The following ADK variants were observed in gnomAD, a reference collection of about 807,000 sequenced individuals.
The protein encoded by ADK is adenosine kinase, also known as N6,N6-dimethyladenosine kinase.
In ADK, 24 loss-of-function variants were observed where a neutral mutation model predicts 44.7. The observed-to-expected ratio is 0.54, with a 90% confidence interval of 0.39 to 0.76. ADK has a LOEUF of 0.76. ADK is among the 30% of genes least tolerant of loss of function. The pLI, the probability that ADK is intolerant of heterozygous loss-of-function variation, is 0.00. For missense variants in ADK, 321 were observed against 425.1 expected (o/e 0.76, Z 2.15); for synonymous variants, 128 against 142.6 (o/e 0.90, Z 0.73).
At chr10:74,654,097 A>G (rs973077472) in intron 9 of ADK, among the ~76,000 whole-genome samples, 7 of 152,246 alleles carry the variant, frequency 4.6e-5, no homozygotes, top group Admixed American at 6.5e-5. Context: ...TCAAATAACA[A>G]TCTTACTGAT....
chr10:74,335,330 T>C (rs1392483893), intron 4 of ADK, among the ~76,000 whole-genome samples: 1 of 152,174 alleles, frequency 6.6e-6, no homozygotes, highest in African/African-American at 2.4e-5. Flanking sequence ...CCAGCTCTCC[T>C]GAGGTACTGA....
intron 6 of ADK, among the ~76,000 whole-genome samples, chr10:74,522,496 C>CT (rs1034405093): frequency 7.9e-5 from 12 of 152,240 alleles, no homozygotes; most frequent in Admixed American, 7.8e-4. Flanking sequence ...ACGATTCTCT[C>CT]TTAACGTCTC....
intron 10 of ADK, among the ~76,000 whole-genome samples, chr10:74,702,762 C>A (rs1856480550): frequency 6.6e-6 from 1 of 151,742 alleles, no homozygotes. Flanking sequence ...TAACACCTGG[C>A]AAATTTTTGT....
At chr10:74,187,436 T>G (rs1267249559) in intron 1 of ADK, among the ~76,000 whole-genome samples, 1 of 152,136 alleles carries the variant, frequency 6.6e-6, no homozygotes, top group African/African-American at 2.4e-5. Flanking sequence ...GTTGCTGATT[T>G]GTAGGAGTTC....
chr10:74,560,336 A>C (rs1850412555), intron 7 of ADK, among the ~76,000 whole-genome samples: 2 of 152,326 alleles, frequency 1.3e-5, no homozygotes, highest in South Asian at 4.1e-4. Context: ...ATTTAGTAAT[A>C]TCAGATGATG....
Position 74,568,795 on chromosome 10 carries a change from CTTTAAG to C in ADK, c.727-20483_727-20478del, listed in dbSNP as rs770952324. Among the ~76,000 whole-genome samples, 99 of 150,990 alleles carry C rather than the reference CTTTAAG, an allele frequency of 6.6e-4. 1 individual carries two copies. In the East Asian group the frequency reaches 0.015, roughly 23 times the overall value. On this transcript the variant is annotated intron_variant, in intron 7 of 10. Coordinates refer to ENST00000539909, the MANE Select transcript of ADK (RefSeq NM_006721.4). ...ATATTTTTATCTTTTTTTTATTATA[CTTTAAG>C]TTTTAGGGTACATGTGCACAACGTG...
intron 2 of ADK, among the ~76,000 whole-genome samples, chr10:74,221,270 A>G (rs1472907057): frequency 1.4e-4 from 21 of 151,474 alleles, no homozygotes; most frequent in African/African-American, 5.1e-4. Context: ...CCCATTCACA[A>G]TTGCTTCAAA....
intron 3 of ADK, among the ~76,000 whole-genome samples, chr10:74,264,289 T>C (rs1846142454): frequency 6.6e-6 from 1 of 152,234 alleles, no homozygotes; most frequent in Admixed American, 6.5e-5. Context: ...CCTTTCTCAA[T>C]TGTCTTGCTA....
intron 9 of ADK, chr10:74,654,905 T>G (rs570904278): frequency 6.6e-6 from 1 of 152,458 alleles, no homozygotes; most frequent in Non-Finnish European, 1.5e-5. Context: ...TGGCAGCAGG[T>G]TAGTCGCAGG....
chr10:74,406,668 CT>C (rs1334126305), intron 6 of ADK, among the ~76,000 whole-genome samples: 1 of 121,630 alleles, frequency 8.2e-6, no homozygotes, highest in Non-Finnish European at 1.8e-5. Context: ...CCTATTTTGT[CT>C]TTTCTTTTTT....
At chr10:74,195,169 AGTAATCCCAGTACGG>A (rs1022176574) in intron 1 of ADK, among the ~76,000 whole-genome samples, 2 of 152,240 alleles carry the variant, frequency 1.3e-5, no homozygotes, top group African/African-American at 4.8e-5. Flanking sequence ...TGGAATAAAA[AGTAATCCCAGTACGG>A]GTTAGTCATA....
At chr10:74,670,853 A>C (rs1034059795) in intron 10 of ADK, among the ~76,000 whole-genome samples, 4 of 151,978 alleles carry the variant, frequency 2.6e-5, no homozygotes, top group African/African-American at 9.7e-5. Flanking sequence ...TGGCTTGATG[A>C]CTTAGATTGA....
At chr10:74,497,577 C>T (rs1010097975) in intron 6 of ADK, among the ~76,000 whole-genome samples, 1 of 152,054 alleles carries the variant, frequency 6.6e-6, no homozygotes. Flanking sequence ...TGTCTTTGCC[C>T]TCATAAATAT....
At position 74,661,790 on chromosome 10, in the gene ADK, G is replaced by A. The variant is rs544109300; in HGVS notation, c.878-8393G>A. Among the ~76,000 whole-genome samples the A allele has an allele frequency of 7.9e-5, 12 of 151,984 alleles. No individual in the cohort carries two copies. In the East Asian group the frequency reaches 2.3e-3, roughly 29 times the overall value. On this transcript the variant is annotated intron_variant, in intron 9 of 10. Coordinates refer to ENST00000539909, the MANE Select transcript of ADK (RefSeq NM_006721.4). ...AACTATATTGTTCTTTCCCTTTTTTGAACTCCTGTTGCAGTTATAATAGAT... is the reference window on the plus strand; with the variant it reads ...AACTATATTGTTCTTTCCCTTTTTTAAACTCCTGTTGCAGTTATAATAGAT...
intron 4 of ADK, among the ~76,000 whole-genome samples, chr10:74,383,524 A>G (rs1409940058): frequency 6.6e-6 from 1 of 152,142 alleles, no homozygotes; most frequent in Non-Finnish European, 1.5e-5. Context: ...GTGAGGGAGG[A>G]AAAATATTTT....
intron 7 of ADK, among the ~76,000 whole-genome samples, chr10:74,564,205 C>G (rs1185795485): frequency 3.3e-5 from 5 of 152,036 alleles, no homozygotes; most frequent in Non-Finnish European, 7.4e-5. Context: ...TCTAAGAGTT[C>G]TTTGCTGAGA....
At chr10:74,626,587 G>A (rs866366544) in intron 9 of ADK, among the ~76,000 whole-genome samples, 1 of 152,290 alleles carries the variant, frequency 6.6e-6, no homozygotes, top group East Asian at 1.9e-4. Flanking sequence ...ACAGGCATGA[G>A]CCACTGCGCC....
At chr10:74,407,419 GC>G (rs1843986306) in intron 6 of ADK, among the ~76,000 whole-genome samples, 1 of 152,046 alleles carries the variant, frequency 6.6e-6, no homozygotes, top group Non-Finnish European at 1.5e-5. Flanking sequence ...TACATAGTAT[GC>G]TTATGTTGTC....
chr10:74,474,928 C>T (rs1395838278), intron 6 of ADK, among the ~76,000 whole-genome samples: 2 of 152,106 alleles, frequency 1.3e-5, no homozygotes, highest in Non-Finnish European at 2.9e-5. Flanking sequence ...GAGATCGAGA[C>T]CATTCTGACC....
Sources: gnomAD v4.1 joint callset for allele counts (sites outside exome capture counted in the v4.1 genomes callset) on GRCh38, gnomAD v4.1.1 for gene constraint, MANE v1.5 for transcripts, NCBI Gene and HGNC (gene_info 2026-07-23, HGNC 2026-07-21) for gene names.